The following FHL1 variants were observed in gnomAD, a reference collection of about 807,000 sequenced individuals.
FHL1 encodes four and a half LIM domains 1, also known as four and a half LIM domains protein 1.
A neutral mutation model predicts 20.3 loss-of-function variants in FHL1; 1 was observed. The observed-to-expected ratio is 0.05, with a 90% CI of 0.02 to 0.23. The LOEUF is 0.23. FHL1 is among the 10% of genes least tolerant of loss of function. The probability of loss-of-function intolerance (pLI) is 1.00; values close to 1 mark genes in which losing one functional copy is unlikely to be tolerated. For missense variants in FHL1, 177 were observed against 234.0 expected (o/e 0.76, Z 1.59); for synonymous variants, 82 against 88.9 (o/e 0.92, Z 0.44).
chrX:136,184,303 C>CA (rs2073234320), intron 2 of FHL1, among the ~76,000 whole-genome samples: 1 of 111,798 alleles, frequency 8.9e-6, no homozygotes, highest in Non-Finnish European at 1.9e-5. Flanking sequence ...TTGTTGAGGG[C>CA]TTTCCAAGTT....
At chrX:136,162,891 T>C (rs910153015) in intron 1 of FHL1, among the ~76,000 whole-genome samples, 12 of 112,120 alleles carry the variant, frequency 1.1e-4, no homozygotes, top group Non-Finnish European at 2.1e-4. Flanking sequence ...AGAAATCTAT[T>C]TCTCACGGTT....
chrX:136,193,938 C>G (rs754879240), upstream of FHL1, among the ~76,000 whole-genome samples: 24 of 109,940 alleles, frequency 2.2e-4, no homozygotes, highest in African/African-American at 8.0e-4. Flanking sequence ...TTATCTTGTG[C>G]TTCTGTCACA....
chrX:136,206,594 G>T lies in FHL1; in HGVS notation c.204+6G>T. ...CCATCGGTGCGGACTCCAAGGTAACGGGCATCCCCATGTGCCAATGGGAAG... is the reference window on the plus strand; with the variant it reads ...CCATCGGTGCGGACTCCAAGGTAACTGGCATCCCCATGTGCCAATGGGAAG... On this transcript the variant is annotated splice_donor_region_variant and intron_variant, in intron 2 of 5. Coordinates refer to ENST00000370683, the MANE Select transcript of FHL1 (RefSeq NM_001159699.2). 8.2e-7 allele frequency: 1 copy of T among 1,212,297 alleles called. No homozygotes were observed. The highest frequency in any genetic ancestry group is 1.1e-6 in the Non-Finnish European group (1 of 895,513).
At chrX:136,170,385 A>G (rs1016269589) in intron 2 of FHL1, among the ~76,000 whole-genome samples, 1 of 111,245 alleles carries the variant, frequency 9.0e-6, no homozygotes, top group African/African-American at 3.3e-5. Flanking sequence ...GCTATTAGGA[A>G]TCTTTCTCCC....
rs2073861948 is a variant in FHL1, at chrX:136,207,076, C to T, written c.265C>T (p.His89Tyr). The T allele has an allele frequency of 8.3e-7, 1 of 1,210,102 alleles. No homozygotes were observed. Reference sequence around the variant, plus strand: ...CTGCTTCCGCTGTGCCAAGTGCCTTCACCCCTTGGCCAATGAGACCTTTGT... The same window carrying T: ...CTGCTTCCGCTGTGCCAAGTGCCTTTACCCCTTGGCCAATGAGACCTTTGT... ...DTCFRCAKCL[H>Y]PLANETFVAK... The change falls in exon 3 of 6, where the codon CAC (histidine) becomes TAC (tyrosine). Residue 89 changes from histidine (H) to tyrosine (Y), a missense_variant. Physicochemically the swap from His to Tyr is moderately conservative, Grantham distance 83. Transcript: ENST00000370683.
rs2073031506 is a variant in FHL1 at position 136,177,257 on chromosome X, G to A, written c.-27+7277G>A. Among the ~76,000 whole-genome samples the A allele has an allele frequency of 2.7e-5, 3 of 111,304 alleles. No individual in the cohort carries two copies. In the Admixed American group the frequency reaches 2.9e-4, roughly 11 times the overall value. ...ATATAAATGTTTGAACCATATTTCA[G>A]AGTTCAAGTGTATTAAATTGTGCCA... On this transcript the variant is annotated intron_variant, in intron 2 of 6. Coordinates refer to the FHL1 transcript ENST00000394153.
At chrX:136,149,730 A>T (rs780131680) in intron 1 of FHL1, among the ~76,000 whole-genome samples, 45 of 111,855 alleles carry the variant, frequency 4.0e-4, no homozygotes, top group African/African-American at 1.3e-3. Context: ...ATACCAGTGC[A>T]TTGGAGGTAA....
chrX:136,147,647 C>A (rs1325867099), intron 1 of FHL1: 1 of 107,503 alleles, frequency 9.3e-6, no homozygotes, highest in Non-Finnish European at 1.9e-5. Context: ...GCTTTCTTTC[C>A]GCTTGTGCGC....
chrX:136,159,467 G>C (rs1033715906), intron 1 of FHL1, among the ~76,000 whole-genome samples: 1 of 111,799 alleles, frequency 8.9e-6, no homozygotes, highest in Non-Finnish European at 1.9e-5. Flanking sequence ...ACTTAAACGC[G>C]GGAGGCAGAG....
chrX:136,206,345 C>T (rs2073838715), intron 1 of FHL1, 62 bp from the exon 2 acceptor site: 1 of 1,187,149 alleles, frequency 8.4e-7, no homozygotes, highest in Non-Finnish European at 1.1e-6. Flanking sequence ...CCTCTGGGAG[C>T]CACTGCTCAG....
At chrX:136,167,180 T>C (rs2072733894), upstream of FHL1, 1 of 111,945 alleles carries the variant, frequency 8.9e-6, no homozygotes, top group African/African-American at 3.2e-5. Flanking sequence ...TGCTAAGTAC[T>C]GGGAGATAGA....
rs757510318 is a variant in FHL1 at position 136,210,067 on chromosome X, C to T, written c.*42C>T. ...GTCCTGTAAAATGGCATTTGAATCTCGTTCTTTGTGTCCTTACTTTCTGCC... is the reference window on the plus strand; with the variant it reads ...GTCCTGTAAAATGGCATTTGAATCTTGTTCTTTGTGTCCTTACTTTCTGCC... On this transcript the variant is annotated 3_prime_UTR_variant, in exon 6 of 6. Transcript: ENST00000370683. 5.8e-6 allele frequency: 7 copies of T among 1,207,015 alleles called. No homozygotes were observed. The African/African-American group carries it at 7.0e-5, about 12-fold the overall frequency.
intron 2 of FHL1, among the ~76,000 whole-genome samples, chrX:136,174,208 A>C (rs1028287256): frequency 1.8e-5 from 2 of 111,845 alleles, no homozygotes; most frequent in African/African-American, 6.5e-5. Flanking sequence ...CAGCTTGCTA[A>C]TTTTCAGGGG....
intron 1 of FHL1, among the ~76,000 whole-genome samples, chrX:136,201,297 C>T (rs891564276): frequency 2.7e-5 from 3 of 112,264 alleles, no homozygotes; most frequent in East Asian, 2.8e-4. Flanking sequence ...TGGCATGATT[C>T]GGGTGTTATA....
chrX:136,194,813 C>T (rs2073516245), upstream of FHL1, among the ~76,000 whole-genome samples: 2 of 111,897 alleles, frequency 1.8e-5, no homozygotes, highest in African/African-American at 6.5e-5. Flanking sequence ...AATTGTTTCT[C>T]ATCATGCAAG....
intron 2 of FHL1, among the ~76,000 whole-genome samples, chrX:136,189,603 C>T (rs1380196140): frequency 8.9e-6 from 1 of 111,837 alleles, no homozygotes; most frequent in Non-Finnish European, 1.9e-5. Flanking sequence ...TGTGTGCCAG[C>T]CACTGCTCTA....
chrX:136,198,048 T>G (rs2073607137), intron 1 of FHL1, among the ~76,000 whole-genome samples: 1 of 111,059 alleles, frequency 9.0e-6, no homozygotes, highest in African/African-American at 3.3e-5. Context: ...TTTAGGAAAT[T>G]TCTCTTTTTG....
At chrX:136,182,261 A>G (rs1323835156) in intron 2 of FHL1, among the ~76,000 whole-genome samples, 1 of 112,154 alleles carries the variant, frequency 8.9e-6, no homozygotes, top group Non-Finnish European at 1.9e-5. Flanking sequence ...GAAAAGTGTT[A>G]TAGACATAGA....
chrX:136,156,312 C>T (rs1410543390), intron 1 of FHL1, among the ~76,000 whole-genome samples: 1 of 92,693 alleles, frequency 1.1e-5, no homozygotes, highest in African/African-American at 4.1e-5. Flanking sequence ...GACGGAGTTT[C>T]GCTCTTGTTG....
Sources: allele counts gnomAD v4.1 joint callset (sites outside exome capture counted in the v4.1 genomes callset), GRCh38; gene constraint gnomAD v4.1.1; transcripts MANE v1.5; gene names NCBI Gene and HGNC (gene_info 2026-07-23, HGNC 2026-07-21).